Variants in CENPW observed in about 807,000 individuals in gnomAD.
CENPW encodes cancer-up-regulated gene 2 protein.
In CENPW, 3 loss-of-function variants were observed where a neutral mutation model predicts 11.1. The ratio of observed to expected loss-of-function variants is 0.27; its 90% CI spans 0.12 to 0.70. The LOEUF is 0.70. Among genes scored for constraint, CENPW ranks in the 30% least tolerant of loss-of-function variants. CENPW has a pLI of 0.77. For synonymous variants in CENPW, 38 were observed against 42.0 expected (o/e 0.91, Z 0.37); for missense variants, 100 against 105.6 (o/e 0.95, Z 0.23).
chr6:126,449,842 A>C, the CENPW span, among the ~76,000 whole-genome samples: 1 of 151,120 alleles, frequency 6.6e-6, no homozygotes, highest in Non-Finnish European at 1.5e-5. Flanking sequence ...TCTTTGGGAA[A>C]GGGTAAACTA....
chr6:126,401,867 A>G, the CENPW span, among the ~76,000 whole-genome samples: 2 of 152,086 alleles, frequency 1.3e-5, no homozygotes, highest in South Asian at 4.1e-4. Context: ...TGTGGCTCCC[A>G]GGTGTTCTAT....
At chr6:126,413,050 T>A in the CENPW span, among the ~76,000 whole-genome samples, 1 of 152,160 alleles carries the variant, frequency 6.6e-6, no homozygotes, top group Non-Finnish European at 1.5e-5. Context: ...TTCAAAATAA[T>A]TTTTACCAGT....
chr6:126,358,926 C>A, the CENPW span, among the ~76,000 whole-genome samples: 1 of 151,626 alleles, frequency 6.6e-6, no homozygotes, highest in East Asian at 1.9e-4. Context: ...TCATTAAGTT[C>A]TTCTCTTATT....
At chr6:126,355,395 A>G in the CENPW span, among the ~76,000 whole-genome samples, 1 of 152,124 alleles carries the variant, frequency 6.6e-6, no homozygotes, top group Non-Finnish European at 1.5e-5. Context: ...TGCTGTGTTC[A>G]GGTTGGCCAG....
At chr6:126,399,467 A>T in the CENPW span, among the ~76,000 whole-genome samples, 1 of 152,152 alleles carries the variant, frequency 6.6e-6, no homozygotes. Flanking sequence ...TAGAAAATCT[A>T]TTTTACGAAG....
At chr6:126,450,583 CTT>C in the CENPW span, among the ~76,000 whole-genome samples, 2 of 150,800 alleles carry the variant, frequency 1.3e-5, no homozygotes, top group African/African-American at 4.9e-5. Flanking sequence ...TTTAGATATC[CTT>C]TGCTTTTTTT....
the CENPW span, among the ~76,000 whole-genome samples, chr6:126,412,013 C>CCCCCTCCCTCCCTCCTTCCTTCCTTCCT: frequency 2.9e-3 from 347 of 121,444 alleles, no homozygotes; most frequent in Non-Finnish European, 3.6e-3. Flanking sequence ...CTCTCTCCCT[C>CCCCCTCCCTCCCTCCTTCCTTCCTTCCT]CCACTCCCTC....
At chr6:126,407,748 C>T in the CENPW span, among the ~76,000 whole-genome samples, 1 of 152,048 alleles carries the variant, frequency 6.6e-6, no homozygotes, top group African/African-American at 2.4e-5. Flanking sequence ...AGTGTCTGTT[C>T]ACGTCCTTTG....
chr6:126,342,464 G>A (rs1301624704), intron 1 of CENPW, among the ~76,000 whole-genome samples: 6 of 152,114 alleles, frequency 3.9e-5, no homozygotes, highest in Non-Finnish European at 1.5e-5. Flanking sequence ...ATGTTTCCTA[G>A]TGTGGTATGC....
At chr6:126,349,115 CT>C (rs1385048740), downstream of CENPW, among the ~76,000 whole-genome samples, 1 of 151,878 alleles carries the variant, frequency 6.6e-6, no homozygotes, top group African/African-American at 2.4e-5. Flanking sequence ...ATTTTTCCCC[CT>C]AAATAAGATA....
At chr6:126,408,305 G>A in the CENPW span, among the ~76,000 whole-genome samples, 2 of 152,278 alleles carry the variant, frequency 1.3e-5, no homozygotes, top group East Asian at 3.9e-4. Flanking sequence ...ACATGGCTGG[G>A]GAGGTCTCAT....
At chr6:126,419,085 A>AAT in the CENPW span, among the ~76,000 whole-genome samples, 6 of 151,860 alleles carry the variant, frequency 4.0e-5, no homozygotes, top group East Asian at 1.9e-4. Flanking sequence ...AGTATAATAA[A>AAT]ATATATATAT....
intron 1 of CENPW, among the ~76,000 whole-genome samples, chr6:126,345,254 A>G (rs920402860): frequency 1.3e-5 from 2 of 151,942 alleles, no homozygotes; most frequent in East Asian, 1.9e-4. Flanking sequence ...GAGCTTGTTT[A>G]TACATATATG....
At chr6:126,369,728 T>C in the CENPW span, among the ~76,000 whole-genome samples, 2 of 152,240 alleles carry the variant, frequency 1.3e-5, no homozygotes, top group East Asian at 3.8e-4. Flanking sequence ...CTTTGTGTGT[T>C]GTCTGTTTAC....
the CENPW span, among the ~76,000 whole-genome samples, chr6:126,380,259 G>A: frequency 5.3e-5 from 8 of 152,084 alleles, no homozygotes; most frequent in Non-Finnish European, 8.8e-5. Context: ...TTCAAATTGT[G>A]TATTGAATTG....
the CENPW span, among the ~76,000 whole-genome samples, chr6:126,436,165 T>C: frequency 6.6e-6 from 1 of 151,862 alleles, no homozygotes; most frequent in South Asian, 2.1e-4. Context: ...TTCTATATTT[T>C]TCTCCCACCA....
chr6:126,425,964 A>C, the CENPW span, among the ~76,000 whole-genome samples: 33,857 of 151,832 alleles, frequency 0.22, 4,429 homozygotes, highest in Non-Finnish European at 0.3. Flanking sequence ...TATGTATTAC[A>C]AAAAAATGAG....
At chr6:126,428,313 A>T in the CENPW span, among the ~76,000 whole-genome samples, 1 of 152,204 alleles carries the variant, frequency 6.6e-6, no homozygotes, top group Admixed American at 6.6e-5. Context: ...AAATATCATT[A>T]AAAAATACAT....
chr6:126,465,043 C>T, the CENPW span, among the ~76,000 whole-genome samples: 1 of 151,948 alleles, frequency 6.6e-6, no homozygotes, highest in African/African-American at 2.4e-5. Context: ...AAACAAAAGG[C>T]ATCCAGACTG....
Sources: allele counts gnomAD v4.1 joint callset (sites outside exome capture counted in the v4.1 genomes callset), GRCh38; gene constraint gnomAD v4.1.1; transcripts MANE v1.5; gene names NCBI Gene and HGNC (gene_info 2026-07-23, HGNC 2026-07-21).